Variants in JMJD1C observed in about 807,000 individuals in gnomAD.
The protein encoded by JMJD1C is jumonji domain containing 1C, also known as jumonji domain-containing protein 1C.
A neutral mutation model predicts 245.3 loss-of-function variants in JMJD1C; 31 were observed. The ratio of observed to expected loss-of-function variants is 0.13; its 90% CI spans 0.09 to 0.17. The LOEUF is 0.17. Ranked by LOEUF, JMJD1C falls within the 10% of genes least tolerant of loss-of-function variation. The probability of loss-of-function intolerance (pLI) is 1.00; values close to 1 mark genes in which losing one functional copy is unlikely to be tolerated. For missense variants in JMJD1C, 2,691 were observed against 3,000.2 expected (o/e 0.90, Z 2.41); for synonymous variants, 1,057 against 1,017.4 (o/e 1.04, Z -0.74).
intron 1 of JMJD1C, among the ~76,000 whole-genome samples, chr10:63,381,248 G>A (rs891301686): frequency 2.6e-5 from 4 of 152,152 alleles, no homozygotes; most frequent in Non-Finnish European, 4.4e-5. Flanking sequence ...GCTCATGCCT[G>A]TAATGCCAGC....
intron 2 of JMJD1C, among the ~76,000 whole-genome samples, chr10:63,357,181 G>A (rs1364134861): frequency 1.3e-5 from 2 of 151,902 alleles, no homozygotes; most frequent in African/African-American, 4.8e-5. Context: ...CTATAGATGC[G>A]TGCCACCACG....
At chr10:63,396,136 C>T (rs929653735) in intron 1 of JMJD1C, among the ~76,000 whole-genome samples, 1 of 152,008 alleles carries the variant, frequency 6.6e-6, no homozygotes, top group Non-Finnish European at 1.5e-5. Flanking sequence ...AAGTGGGAAT[C>T]AGCATGACTT....
chr10:63,432,295 T>C (rs962830532), intron 1 of JMJD1C, among the ~76,000 whole-genome samples: 15 of 152,192 alleles, frequency 9.9e-5, no homozygotes, highest in South Asian at 6.2e-4. Context: ...CTAGCCCGGG[T>C]GTTCACCTTT....
At chr10:63,327,992 A>G (rs1337120432) in intron 2 of JMJD1C, among the ~76,000 whole-genome samples, 1 of 151,910 alleles carries the variant, frequency 6.6e-6, no homozygotes, top group African/African-American at 2.4e-5. Flanking sequence ...AAAAGTAGTA[A>G]GGCTAGGCGC....
intron 2 of JMJD1C, among the ~76,000 whole-genome samples, chr10:63,306,461 C>CTG (rs1938248765): frequency 6.6e-6 from 1 of 152,090 alleles, no homozygotes; most frequent in African/African-American, 2.4e-5. Flanking sequence ...GCCTCAAACT[C>CTG]CAGTAACCCA....
intron 1 of JMJD1C, among the ~76,000 whole-genome samples, chr10:63,391,827 A>T (rs1275545725): frequency 6.6e-6 from 1 of 152,204 alleles, no homozygotes; most frequent in Non-Finnish European, 1.5e-5. Flanking sequence ...AAAAGAGCCT[A>T]AGGAGCCAAA....
At chr10:63,459,038 G>A (rs899750779) in intron 1 of JMJD1C, among the ~76,000 whole-genome samples, 1 of 152,084 alleles carries the variant, frequency 6.6e-6, no homozygotes, top group Non-Finnish European at 1.5e-5. Flanking sequence ...ATACATTACG[G>A]TAGTTGATTA....
At chr10:63,500,295 C>T (rs1029022312) in intron 1 of JMJD1C, among the ~76,000 whole-genome samples, 1 of 152,028 alleles carries the variant, frequency 6.6e-6, no homozygotes, top group African/African-American at 2.4e-5. Flanking sequence ...TGGTTGTGCA[C>T]ACTTGTAGTC....
intron 1 of JMJD1C, among the ~76,000 whole-genome samples, chr10:63,480,329 T>C (rs1386871620): frequency 6.6e-6 from 1 of 151,946 alleles, no homozygotes; most frequent in Non-Finnish European, 1.5e-5. Context: ...TTTGATTTTT[T>C]TTTTTTTTTG....
At chr10:63,310,184 T>C (rs748850923) in intron 2 of JMJD1C, among the ~76,000 whole-genome samples, 1 of 152,184 alleles carries the variant, frequency 6.6e-6, no homozygotes, top group Non-Finnish European at 1.5e-5. Flanking sequence ...ATAAATACTA[T>C]ATTCATGGAC....
intron 2 of JMJD1C, among the ~76,000 whole-genome samples, chr10:63,305,629 C>CGTGCGTGT (rs1554880824): frequency 3.3e-5 from 4 of 121,682 alleles, no homozygotes; most frequent in Non-Finnish European, 7.0e-5. Context: ...ACCATGCTGG[C>CGTGCGTGT]GTGTGTGTGT....
chr10:63,345,506 CA>C (rs1273318394), intron 2 of JMJD1C, among the ~76,000 whole-genome samples: 1 of 129,558 alleles, frequency 7.7e-6, no homozygotes, highest in Admixed American at 7.7e-5. Context: ...AAAAAAAAAA[CA>C]AAAAAAAGGA....
Position 63,490,065 on chromosome 10 carries a change from G to C in JMJD1C, n.113+31673C>G, listed in dbSNP as rs1954119136. 2.0e-5 allele frequency among the ~76,000 whole-genome samples: 3 copies of C among 152,154 alleles called. No homozygotes were observed. In the South Asian group the frequency reaches 6.2e-4, roughly 32 times the overall value. ...AATCTAATGCCTGATGATCTGGGGT[G>C]GAAGAGTTTCATCCCAAAACTATTC... is the stretch of plus-strand genomic sequence containing the variant. On this transcript the variant is annotated intron_variant and non_coding_transcript_variant, in intron 1 of 3. Transcript: ENST00000633035.
chr10:63,449,758 G>A (rs1485600429), intron 1 of JMJD1C, among the ~76,000 whole-genome samples: 1 of 152,058 alleles, frequency 6.6e-6, no homozygotes, highest in Admixed American at 6.6e-5. Flanking sequence ...TATTTGAAGT[G>A]CAGACTCAGT....
chr10:63,484,090 G>A (rs1361356493), intron 1 of JMJD1C, among the ~76,000 whole-genome samples: 1 of 152,082 alleles, frequency 6.6e-6, no homozygotes, highest in Non-Finnish European at 1.5e-5. Context: ...ACAGTGATAG[G>A]AAGTGACAGA....
rs1189774901 is a variant in JMJD1C, at chr10:63,337,612, A to AG, written c.333+42705dup. ...AGAAAAGAAAAGAAAAGAAAAGAAA[A>AG]GAAAAGAAAAGAAAAAGAAAAGAAA... On this transcript the variant is annotated intron_variant, in intron 2 of 25. Transcript: ENST00000399262. 1.3e-3 allele frequency among the ~76,000 whole-genome samples: 105 copies of AG among 81,056 alleles called. 7 individuals carry two copies. Among genetic ancestry groups the AG allele is most frequent in the African/African-American group, 0.012 (103 of 8,470 alleles). The allele number at this position is 81,056 out of a possible 152,430, so 53.2% of individuals were successfully genotyped here. A position where few individuals can be genotyped will look rare whatever the true frequency, so the allele number is the denominator to read the frequency against.
intron 14 of JMJD1C, 85 bp from the exon 15 acceptor site, chr10:63,193,557 T>A (rs1328140323): frequency 3.7e-6 from 3 of 814,712 alleles, no homozygotes; most frequent in Non-Finnish European, 5.5e-6. Flanking sequence ...TTTTGTATTA[T>A]AATTGGGAAT....
At chr10:63,388,077 A>G (rs1947771436) in intron 1 of JMJD1C, among the ~76,000 whole-genome samples, 1 of 152,196 alleles carries the variant, frequency 6.6e-6, no homozygotes, top group Non-Finnish European at 1.5e-5. Context: ...TGTTTAACAA[A>G]ATAATAGATG....
intron 2 of JMJD1C, among the ~76,000 whole-genome samples, chr10:63,375,803 C>T (rs1263499602): frequency 6.6e-6 from 1 of 151,896 alleles, no homozygotes; most frequent in Non-Finnish European, 1.5e-5. Context: ...AATCCTCTCG[C>T]CTTAGCCTCC....
Sources: allele counts gnomAD v4.1 joint callset (sites outside exome capture counted in the v4.1 genomes callset), GRCh38; gene constraint gnomAD v4.1.1; transcripts MANE v1.5; gene names NCBI Gene and HGNC (gene_info 2026-07-23, HGNC 2026-07-21).